Variants in EML4 observed in about 807,000 individuals in gnomAD.
EML4 encodes echinoderm microtubule-associated protein-like 4.
EML4 carries 72 observed loss-of-function variants against 129.0 expected under a neutral mutation model. That is an observed-to-expected ratio of 0.56 (90% CI 0.46 to 0.68). The LOEUF (loss-of-function observed/expected upper bound fraction) is 0.68, where lower values mean the gene tolerates loss of function less well. Ranked by LOEUF, EML4 falls within the 30% of genes least tolerant of loss-of-function variation. EML4 has a pLI of 0.00. For missense variants in EML4, 1,363 were observed against 1,190.6 expected (o/e 1.14, Z -2.13); for synonymous variants, 532 against 405.0 (o/e 1.31, Z -3.77).
At chr2:42,267,089 C>A (rs1455895689) in intron 6 of EML4, among the ~76,000 whole-genome samples, 2 of 152,118 alleles carry the variant, frequency 1.3e-5, no homozygotes, top group East Asian at 3.8e-4. Flanking sequence ...TGACATTGAG[C>A]AGGTTACTTC....
chr2:42,208,739 C>T (rs569261958), intron 1 of EML4, among the ~76,000 whole-genome samples: 6 of 151,818 alleles, frequency 4.0e-5, no homozygotes, highest in African/African-American at 1.4e-4. Context: ...GGCCTGGAAG[C>T]CTACTCCTTT....
chr2:42,329,050 G>C lies in EML4; in HGVS notation c.2472+34G>C, dbSNP rs111661478. On this transcript the variant is annotated intron_variant, in intron 22 of 22. Transcript: ENST00000318522. ...ACTTTAATAGAAACTAATGTTATAA[G>C]GCCTTCTGTCCAGGGATGATTTTGC... is the stretch of plus-strand genomic sequence containing the variant. 8.8e-6 allele frequency: 14 copies of C among 1,594,856 alleles called. No homozygotes were observed. In the East Asian group the frequency reaches 3.1e-4, roughly 36 times the overall value.
chr2:42,317,536 A>AGT lies in EML4; in HGVS notation c.2154+13_2154+14dup. 3 of 1,542,742 alleles carry AGT rather than the reference A, an allele frequency of 1.9e-6. No homozygotes were observed. Among genetic ancestry groups the AGT allele is most frequent in the Non-Finnish European group, 1.8e-6 (2 of 1,132,958 alleles). On this transcript the variant is annotated intron_variant, in intron 19 of 22. Transcript: ENST00000318522. ...ATGGAAGGTGCACTGTAAGTAGTGA[A>AGT]GTAGAACAAGTTGTAAAATTATTGG... is the stretch of plus-strand genomic sequence containing the variant.
chr2:42,244,190 C>G (rs868020734), intron 1 of EML4, among the ~76,000 whole-genome samples: 1 of 150,760 alleles, frequency 6.6e-6, no homozygotes, highest in Non-Finnish European at 1.5e-5. Flanking sequence ...CCTTTGCCTC[C>G]TGGGTTCAAG....
At chr2:42,303,280 T>C (rs1410559263) in intron 15 of EML4, 35 bp from the exon 16 acceptor site, 2 of 1,614,046 alleles carry the variant, frequency 1.2e-6, no homozygotes, top group South Asian at 1.1e-5. Flanking sequence ...TGATATTCTT[T>C]GGTTCTTATA....
chr2:42,204,977 A>G (rs1039038783), intron 1 of EML4, among the ~76,000 whole-genome samples: 14 of 152,228 alleles, frequency 9.2e-5, no homozygotes, highest in Admixed American at 7.2e-4. Context: ...ATGGTTTTAG[A>G]AATCATAAAT....
At chr2:42,288,343 G>A in intron 11 of EML4, 21 bp downstream of exon 11, 1 of 1,261,480 alleles carries the variant, frequency 7.9e-7, no homozygotes, top group Non-Finnish European at 1.1e-6. Context: ...AAAAAACCGA[G>A]TATTGTGTTT....
intron 6 of EML4, among the ~76,000 whole-genome samples, chr2:42,267,491 A>C (rs1178716123): frequency 1.3e-5 from 2 of 152,218 alleles, no homozygotes; most frequent in African/African-American, 4.8e-5. Context: ...GCTTGTTCCA[A>C]ATCATCTGCT....
chr2:42,268,860 G>C (rs1199950000), intron 6 of EML4, among the ~76,000 whole-genome samples: 1 of 152,054 alleles, frequency 6.6e-6, no homozygotes, highest in Admixed American at 6.6e-5. Context: ...TTCTCTTGTA[G>C]AACTTCAAAC....
At position 42,282,847 on chromosome 2, in the gene EML4, T is replaced by TA; in HGVS notation, c.817dup (p.Arg273LysfsTer3). On this transcript the variant is annotated frameshift_variant, in exon 8 of 23. Transcript: ENST00000318522. LOFTEE classifies it high-confidence loss of function. ...GATATGGTTATCGAGGAAAGGACTGTAGAGCTAATGTTTACCTTCTTCCGA... is the reference window on the plus strand; with the variant it reads ...GATATGGTTATCGAGGAAAGGACTGTAAGAGCTAATGTTTACCTTCTTCCGA... 1 of 1,613,204 alleles carries TA rather than the reference T, an allele frequency of 6.2e-7. No individual in the cohort carries two copies. Among genetic ancestry groups the TA allele is most frequent in the Non-Finnish European group, 8.5e-7 (1 of 1,179,284 alleles).
At chr2:42,225,949 A>T (rs1357805684) in intron 1 of EML4, among the ~76,000 whole-genome samples, 1 of 152,202 alleles carries the variant, frequency 6.6e-6, no homozygotes, top group African/African-American at 2.4e-5. Context: ...TGTAAAATGT[A>T]TAAATATTTT....
intron 10 of EML4, among the ~76,000 whole-genome samples, chr2:42,286,613 T>C (rs961552433): frequency 6.6e-6 from 1 of 152,238 alleles, no homozygotes; most frequent in African/African-American, 2.4e-5. Flanking sequence ...CTTGGAATTA[T>C]GCTGCCTTGA....
intron 1 of EML4, among the ~76,000 whole-genome samples, chr2:42,221,122 C>A (rs547098041): frequency 1.1e-4 from 16 of 152,112 alleles, no homozygotes; most frequent in Non-Finnish European, 2.2e-4. Context: ...AAGGTGGCTG[C>A]ACTAAACAAC....
chr2:42,261,194 A>G lies in EML4; in HGVS notation c.412A>G (p.Ser138Gly), dbSNP rs768139035. The G allele has an allele frequency of 6.2e-7, 1 of 1,614,026 alleles. No individual in the cohort carries two copies. The highest frequency in any genetic ancestry group is 1.1e-5 in the South Asian group (1 of 91,082). ...KKEESHSNDQSPQIRASPSPQ... is the reference protein window; with the variant it reads ...KKEESHSNDQGPQIRASPSPQ... The stretch of plus-strand genomic sequence containing the variant: ...AGAGGAATCTCATTCTAATGATCAA[A>G]GTCCACAAATTCGAGCATCACCTTC... Residue 138 changes from serine to glycine, a missense_variant, in exon 4 of 23, where the codon AGT becomes GGT. Physicochemically the swap from Ser to Gly is moderately conservative, Grantham distance 56. Transcript: ENST00000318522.
chr2:42,331,807 G>GT lies in EML4; in HGVS notation c.*1601dup, dbSNP rs1280728417. The GT allele has an allele frequency of 4.5e-6, 1 of 222,344 alleles. No homozygotes were observed. The highest frequency in any genetic ancestry group is 9.0e-6 in the Non-Finnish European group (1 of 110,944). The allele number at this position is 222,344 out of a possible 1,614,324, so 13.8% of individuals were successfully genotyped here. A position where few individuals can be genotyped will look rare whatever the true frequency, so the allele number is the denominator to read the frequency against. The stretch of plus-strand genomic sequence containing the variant: ...ACGCTGTATGGAAGGGTGTGGGTGT[G>GT]TGTGAAGGGGCGAGTGGAGACACTG... On this transcript the variant is annotated 3_prime_UTR_variant, in exon 23 of 23. Coordinates refer to ENST00000318522, the MANE Select transcript of EML4 (RefSeq NM_019063.5).
Position 42,288,580 on chromosome 2 carries a change from G to A in EML4, c.1218+258G>A, listed in dbSNP as rs149075512. 7.1e-4 allele frequency: 152 copies of A among 213,970 alleles called. 1 individual carries two copies. Among genetic ancestry groups the A allele is most frequent in the African/African-American group, 3.4e-3 (149 of 43,988 alleles). 13.3% of individuals were successfully genotyped at this position (213,970 alleles called of 1,614,324 possible). A position where few individuals can be genotyped will look rare whatever the true frequency, so the allele number is the denominator to read the frequency against. On this transcript the variant is annotated intron_variant, in intron 11 of 22. Transcript: ENST00000318522. ...TAGTCCTGAAATGCCAGAGTAGATG[G>A]ATGTGTGATCTCATAATTAAGACTG...
chr2:42,328,187 T>A (rs1013299744), intron 21 of EML4, among the ~76,000 whole-genome samples: 13 of 152,208 alleles, frequency 8.5e-5, no homozygotes, highest in African/African-American at 3.1e-4. Context: ...ACATATTTGT[T>A]CTCTAGAGTA....
In EML4 at chr2:42,331,722, C is replaced by T. The variant is rs990069427; in HGVS notation, c.*1515C>T. 44 of 220,068 alleles carry T rather than the reference C, an allele frequency of 2.0e-4. No homozygotes were observed. The highest frequency in any genetic ancestry group is 1.4e-3 in the Middle Eastern group (1 of 716). The allele number at this position is 220,068 out of a possible 1,614,324, so 13.6% of individuals were successfully genotyped here. On this transcript the variant is annotated 3_prime_UTR_variant, in exon 23 of 23. Coordinates refer to ENST00000318522, the MANE Select transcript of EML4 (RefSeq NM_019063.5). The stretch of plus-strand genomic sequence containing the variant: ...TAATACAAATCAGGTATTTCATCAT[C>T]ATTTGGTAATATGAAAACTCCAGTG...
At chr2:42,282,740 C>T in intron 7 of EML4, 83 bp from the exon 8 acceptor site, 1 of 1,226,296 alleles carries the variant, frequency 8.2e-7, no homozygotes, top group Non-Finnish European at 1.2e-6. Context: ...TTGTACCTTC[C>T]TAATTCCTTA....
Sources: gnomAD v4.1 joint callset for allele counts (sites outside exome capture counted in the v4.1 genomes callset) on GRCh38, gnomAD v4.1.1 for gene constraint, MANE v1.5 for transcripts, NCBI Gene and HGNC (gene_info 2026-07-23, HGNC 2026-07-21) for gene names.